The following UMAD1 variants were observed in gnomAD, a reference collection of about 807,000 sequenced individuals.
UMAD1 encodes UBAP1-MVB12-associated (UMA)-domain containing protein 1.
In UMAD1, 8 loss-of-function variants were observed where a neutral mutation model predicts 6.1. The ratio of observed to expected loss-of-function variants is 1.30; its 90% CI spans 0.76 to 2.35. UMAD1 has a LOEUF of 2.35. UMAD1 is among the 30% of genes most tolerant of loss of function. UMAD1 has a pLI of 0.00. For missense variants in UMAD1, 130 were observed against 78.4 expected (o/e 1.66, Z -2.49); for synonymous variants, 56 against 31.4 (o/e 1.78, Z -2.61).
chr7:7,664,413 A>C (rs777990175), intron 1 of UMAD1, among the ~76,000 whole-genome samples: 61 of 152,310 alleles, frequency 4.0e-4, no homozygotes, highest in Non-Finnish European at 5.7e-4. Context: ...CAGACTGCCC[A>C]GTAATGTCCA....
rs568429791 is a variant in UMAD1 at position 7,654,704 on chromosome 7, A to T, written c.-64+13883A>T. ...GATCACTTGAGGCTAGGAGTTCGAG[A>T]CCAGCCTGGCCAATATGGTGAAACC... On this transcript the variant is annotated intron_variant, in intron 1 of 3. Transcript: ENST00000682710. Among the ~76,000 whole-genome samples, 11 of 152,244 alleles carry T rather than the reference A, an allele frequency of 7.2e-5. No individual in the cohort carries two copies. The South Asian group carries it at 2.1e-3, about 29-fold the overall frequency.
At chr7:7,809,573 T>C (rs1262126600) in intron 3 of UMAD1, among the ~76,000 whole-genome samples, 1 of 152,010 alleles carries the variant, frequency 6.6e-6, no homozygotes, top group East Asian at 1.9e-4. Context: ...AAATCTCTTT[T>C]AGCAATTTTG....
intron 2 of UMAD1, among the ~76,000 whole-genome samples, chr7:7,728,477 C>G (rs1453168796): frequency 6.6e-6 from 1 of 152,110 alleles, no homozygotes; most frequent in Non-Finnish European, 1.5e-5. Flanking sequence ...AACCCCGTCT[C>G]TGCTAAAAAT....
intron 3 of UMAD1, among the ~76,000 whole-genome samples, chr7:7,838,810 T>C (rs748367871): frequency 4.6e-5 from 7 of 152,192 alleles, no homozygotes; most frequent in Non-Finnish European, 8.8e-5. Flanking sequence ...AATCTTAACA[T>C]AGTTTTAAGA....
At chr7:7,644,118 C>T (rs888240015) in intron 1 of UMAD1, among the ~76,000 whole-genome samples, 10 of 152,058 alleles carry the variant, frequency 6.6e-5, no homozygotes, top group Non-Finnish European at 1.3e-4. Context: ...GGAGTTTTTT[C>T]CCCCAATTTG....
chr7:7,805,645 T>C (rs891400385), intron 3 of UMAD1, among the ~76,000 whole-genome samples: 1 of 152,104 alleles, frequency 6.6e-6, no homozygotes, highest in African/African-American at 2.4e-5. Flanking sequence ...AGGAACTCCA[T>C]ACTCTCTCTA....
At chr7:7,731,748 T>A (rs150206652) in intron 2 of UMAD1, among the ~76,000 whole-genome samples, 1 of 152,334 alleles carries the variant, frequency 6.6e-6, no homozygotes, top group African/African-American at 2.4e-5. Context: ...AATAAGCTGT[T>A]TGATCAGTGA....
At chr7:7,865,726 A>G (rs1286825803) in intron 3 of UMAD1, among the ~76,000 whole-genome samples, 1 of 152,204 alleles carries the variant, frequency 6.6e-6, no homozygotes, top group Non-Finnish European at 1.5e-5. Context: ...GCTACACCAC[A>G]GCCCCTCCAG....
chr7:7,788,262 T>C (rs1359176154), intron 2 of UMAD1, among the ~76,000 whole-genome samples: 1 of 152,200 alleles, frequency 6.6e-6, no homozygotes, highest in Non-Finnish European at 1.5e-5. Context: ...ATTGGGGTAG[T>C]CTTGAGGTAG....
intron 3 of UMAD1, among the ~76,000 whole-genome samples, chr7:7,873,276 C>A (rs1043883306): frequency 6.6e-6 from 1 of 152,166 alleles, no homozygotes; most frequent in Non-Finnish European, 1.5e-5. Context: ...ACTTTGTTCT[C>A]CTGCTCACAG....
intron 2 of UMAD1, 71 bp from the exon 3 acceptor site, chr7:7,801,599 A>G (rs893806565): frequency 3.0e-6 from 2 of 671,546 alleles, no homozygotes; most frequent in Non-Finnish European, 5.5e-6. Context: ...GATACTTCAA[A>G]CAAATAGCAA....
chr7:7,682,859 G>A (rs1270712007), intron 2 of UMAD1, among the ~76,000 whole-genome samples: 3 of 152,214 alleles, frequency 2.0e-5, no homozygotes, highest in Admixed American at 6.5e-5. Context: ...ACTTCATGAT[G>A]TAGATGCTTG....
intron 3 of UMAD1, among the ~76,000 whole-genome samples, chr7:7,815,323 T>C (rs1583846109): frequency 6.6e-6 from 1 of 152,204 alleles, no homozygotes; most frequent in East Asian, 1.9e-4. Context: ...ATCTGATGTA[T>C]ACTAGATACT....
At chr7:7,747,862 TTAAATC>T (rs1380006948) in intron 2 of UMAD1, among the ~76,000 whole-genome samples, 1 of 152,234 alleles carries the variant, frequency 6.6e-6, no homozygotes, top group African/African-American at 2.4e-5. Context: ...TGTATAGAAA[TTAAATC>T]TAAATCATTG....
At chr7:7,822,561 C>T (rs572199935) in intron 3 of UMAD1, among the ~76,000 whole-genome samples, 14 of 152,240 alleles carry the variant, frequency 9.2e-5, no homozygotes, top group African/African-American at 3.4e-4. Flanking sequence ...TATATCCCAC[C>T]AGCACACAGA....
intron 3 of UMAD1, among the ~76,000 whole-genome samples, chr7:7,840,773 A>C (rs1196827593): frequency 6.6e-6 from 1 of 152,212 alleles, no homozygotes; most frequent in East Asian, 1.9e-4. Context: ...AAGGTTAAAA[A>C]GCACTAGTTT....
intron 1 of UMAD1, among the ~76,000 whole-genome samples, chr7:7,645,081 G>C (rs79646924): frequency 2.6e-5 from 4 of 152,072 alleles, no homozygotes; most frequent in African/African-American, 7.2e-5. Flanking sequence ...TTAAATTAAA[G>C]ATTTTAACTG....
At chr7:7,698,175 T>C (rs1346483043) in intron 2 of UMAD1, among the ~76,000 whole-genome samples, 5 of 152,230 alleles carry the variant, frequency 3.3e-5, no homozygotes, top group Admixed American at 2.0e-4. Flanking sequence ...TGATGTGATA[T>C]TATTTATTTT....
At position 7,731,164 on chromosome 7, in the gene UMAD1, A is replaced by G. The variant is rs181601536; in HGVS notation, c.82+57711A>G. Among the ~76,000 whole-genome samples the G allele has an allele frequency of 6.6e-5, 10 of 151,974 alleles. No individual in the cohort carries two copies. The East Asian group carries it at 1.9e-3, about 29-fold the overall frequency. On this transcript the variant is annotated intron_variant, in intron 2 of 3. Coordinates refer to ENST00000682710, the MANE Select transcript of UMAD1 (RefSeq NM_001302348.2). ...CAAGTGCGTGCCACCACGCCCAGCT[A>G]ATTTTTGTATTTTCAGTAGAGAGGG...
Sources: allele counts gnomAD v4.1 joint callset (sites outside exome capture counted in the v4.1 genomes callset), GRCh38; gene constraint gnomAD v4.1.1; transcripts MANE v1.5; gene names NCBI Gene and HGNC (gene_info 2026-07-23, HGNC 2026-07-21).